The following ANKRD39 variants were observed in gnomAD, a reference collection of about 807,000 sequenced individuals.
ANKRD39 encodes ankyrin repeat domain 39.
ANKRD39 carries 18 observed loss-of-function variants against 20.3 expected under a neutral mutation model. The ratio of observed to expected loss-of-function variants is 0.89; its 90% CI spans 0.61 to 1.32. The LOEUF (loss-of-function observed/expected upper bound fraction) is 1.32. ANKRD39 is among the 40% of genes most tolerant of loss of function. ANKRD39 has a pLI of 0.00. For synonymous variants in ANKRD39, 106 were observed against 111.9 expected (o/e 0.95, Z 0.33); for missense variants, 243 against 250.7 (o/e 0.97, Z 0.21).
At chr2:96,856,236 G>A (rs2079864164) in intron 1 of ANKRD39, among the ~76,000 whole-genome samples, 2 of 152,084 alleles carry the variant, frequency 1.3e-5, no homozygotes, top group African/African-American at 4.8e-5. Flanking sequence ...CACTTTGGGA[G>A]GTCAAAGCGG....
chr2:96,848,377 A>C lies in ANKRD39; in HGVS notation c.476T>G (p.Ile159Ser). The C allele has an allele frequency of 6.2e-7, 1 of 1,614,168 alleles. No individual in the cohort carries two copies. ...TGCTAGCCGTGCCTTTCGGTCCCGG[A>C]TGGCCTTCAGGGCTGGGCTGTGTTG... ...LLQHSPALKAIRDRKARLACD... is the reference protein window; with the variant it reads ...LLQHSPALKASRDRKARLACD... The change falls in exon 4 of 4, where the codon ATC becomes AGC. Residue 159 changes from isoleucine to serine, a missense_variant. By Grantham distance (142) the Ile-to-Ser change is moderately radical. Coordinates refer to ENST00000393537, the MANE Select transcript of ANKRD39 (RefSeq NM_016466.6).
At chr2:96,855,257 A>G (rs955732043) in intron 1 of ANKRD39, among the ~76,000 whole-genome samples, 3 of 152,244 alleles carry the variant, frequency 2.0e-5, no homozygotes, top group Non-Finnish European at 4.4e-5. Context: ...CCACAAATCA[A>G]CAGAACATTA....
At chr2:96,855,755 A>T (rs2079860024) in intron 1 of ANKRD39, among the ~76,000 whole-genome samples, 1 of 151,682 alleles carries the variant, frequency 6.6e-6, no homozygotes, top group South Asian at 2.1e-4. Flanking sequence ...TACTGTGCGG[A>T]TCACGAGGTC....
chr2:96,854,245 G>T, intron 2 of ANKRD39, 93 bp downstream of exon 2: 2 of 1,285,696 alleles, frequency 1.6e-6, no homozygotes, highest in Non-Finnish European at 2.2e-6. Context: ...GAGGGAGGAG[G>T]TAAAAGGTAA....
At position 96,853,503 on chromosome 2, in the gene ANKRD39, G is replaced by C; in HGVS notation, c.306C>G (p.His102Gln). ...AQTHGGATAL[H>Q]RASYCGHTEI... ...CAGTGTGCCCGCAGTAGCTGGCTCG[G>C]TGCAGAGCAGTGGCACCCCCGTGGG... Residue 102 changes from histidine (H) to glutamine (Q), a missense_variant, in exon 3 of 4, where the codon CAC becomes CAG. His to Gln is a conservative substitution (Grantham distance 24, BLOSUM62 0). Transcript: ENST00000393537. 1.9e-6 allele frequency: 3 copies of C among 1,613,210 alleles called. No individual in the cohort carries two copies. The highest frequency in any genetic ancestry group is 2.5e-6 in the Non-Finnish European group (3 of 1,179,756).
At chr2:96,850,747 A>G (rs2079832892) in intron 3 of ANKRD39, among the ~76,000 whole-genome samples, 2 of 152,324 alleles carry the variant, frequency 1.3e-5, no homozygotes, top group South Asian at 4.1e-4. Context: ...CATTATCTGC[A>G]TGAGAGAAAA....
At chr2:96,853,143 A>G (rs2079846250) in intron 3 of ANKRD39, among the ~76,000 whole-genome samples, 1 of 152,204 alleles carries the variant, frequency 6.6e-6, no homozygotes, top group Admixed American at 6.5e-5. Context: ...GTTTCAGAAA[A>G]CTATATGGAA....
In ANKRD39 at chr2:96,854,321, G is replaced by A; in HGVS notation, c.204+17C>T. 1.2e-6 allele frequency: 2 copies of A among 1,612,246 alleles called. No individual in the cohort carries two copies. The highest frequency in any genetic ancestry group is 2.2e-5 in the East Asian group (1 of 44,832). Reference sequence around the variant, plus strand: ...TAACGCTTCTGTCTCCTGACCCTGTGCTCCTCCCTAGCTCACCAGCGCAGT... The same window carrying A: ...TAACGCTTCTGTCTCCTGACCCTGTACTCCTCCCTAGCTCACCAGCGCAGT... On this transcript the variant is annotated intron_variant, in intron 2 of 3. Transcript: ENST00000393537.
At chr2:96,854,285 G>T in intron 2 of ANKRD39, 53 bp downstream of exon 2, 1 of 1,545,922 alleles carries the variant, frequency 6.5e-7, no homozygotes, top group Non-Finnish European at 8.9e-7. Flanking sequence ...GAGAGCAGGT[G>T]TCTCCTGAGT....
At chr2:96,854,570 C>G in intron 1 of ANKRD39, 129 bp from the exon 2 acceptor site, 3 of 867,886 alleles carry the variant, frequency 3.5e-6, no homozygotes, top group Non-Finnish European at 5.4e-6. Flanking sequence ...ATCAACCGAG[C>G]ACCTCCTCTG....
chr2:96,850,093 T>G (rs4473423), intron 3 of ANKRD39, among the ~76,000 whole-genome samples: 3 of 152,206 alleles, frequency 2.0e-5, no homozygotes, highest in African/African-American at 7.2e-5. Context: ...TGAACTCTTA[T>G]TAACTCTGTG....
chr2:96,856,761 G>C (rs2079867630), intron 1 of ANKRD39, among the ~76,000 whole-genome samples: 1 of 152,190 alleles, frequency 6.6e-6, no homozygotes, highest in Non-Finnish European at 1.5e-5. Context: ...GAGGGTCTCT[G>C]AGGAGATGAC....
Position 96,853,408 on chromosome 2 carries a change from A to G in ANKRD39, c.401T>C (p.Leu134Pro). The stretch of plus-strand genomic sequence containing the variant: ...AAGGGGGAACGGGCCCACCTTATGC[A>G]GACTGGTCATGCCGTCGTCATCCAC... ...RVVDDDGMTS[L>P]HKAAERGHGD... is the part of the protein sequence containing the mutation. The change falls in exon 3 of 4, where the codon CTG (leucine) becomes CCG (proline). Residue 134 changes from leucine (L) to proline (P), a missense_variant. Physicochemically the swap from Leu to Pro is moderately conservative, Grantham distance 98 (BLOSUM62 -3). Transcript: ENST00000393537. 1 of 1,576,318 alleles carries G rather than the reference A, an allele frequency of 6.3e-7. No homozygotes were observed. The highest frequency in any genetic ancestry group is 1.4e-5 in the African/African-American group (1 of 73,984).
At chr2:96,854,913 C>T (rs1017147700) in intron 1 of ANKRD39, among the ~76,000 whole-genome samples, 1 of 152,156 alleles carries the variant, frequency 6.6e-6, no homozygotes, top group East Asian at 1.9e-4. Context: ...CGTGAGCCAC[C>T]GTGCCCAGCC....
intron 1 of ANKRD39, 104 bp downstream of exon 1, chr2:96,857,784 G>T (rs2079872900): frequency 2.4e-6 from 3 of 1,236,998 alleles, no homozygotes; most frequent in Non-Finnish European, 3.4e-6. Context: ...CAAGCCCCAA[G>T]CCCCAAGCTC....
intron 3 of ANKRD39, among the ~76,000 whole-genome samples, chr2:96,850,681 C>CCA (rs2079832447): frequency 7.3e-6 from 1 of 137,436 alleles, no homozygotes; most frequent in East Asian, 2.3e-4. Context: ...CAAAACAAAA[C>CCA]AAAAAAAAAA....
chr2:96,853,621 C>G lies in ANKRD39; in HGVS notation c.205-17G>C. Reference sequence around the variant, plus strand: ...GGCATAGTGCTGCAGGGAACAGAGACCGAGGTCAGATGGGAGAAGCCAGGC... The same window carrying G: ...GGCATAGTGCTGCAGGGAACAGAGAGCGAGGTCAGATGGGAGAAGCCAGGC... On this transcript the variant is annotated splice_polypyrimidine_tract_variant and intron_variant, in intron 2 of 3. Transcript: ENST00000393537. The G allele has an allele frequency of 6.2e-7, 1 of 1,609,996 alleles. No individual in the cohort carries two copies. Among genetic ancestry groups the G allele is most frequent in the Non-Finnish European group, 8.5e-7 (1 of 1,178,918 alleles).
chr2:96,851,859 T>C (rs1364433325), intron 3 of ANKRD39, among the ~76,000 whole-genome samples: 1 of 151,946 alleles, frequency 6.6e-6, no homozygotes, highest in Non-Finnish European at 1.5e-5. Context: ...GGCTAACTTG[T>C]TAAATATGGC....
At chr2:96,855,475 A>G (rs1044894280) in intron 1 of ANKRD39, among the ~76,000 whole-genome samples, 8 of 152,248 alleles carry the variant, frequency 5.3e-5, no homozygotes, top group Admixed American at 1.3e-4. Flanking sequence ...CTGTAATCCC[A>G]GCACTTTGGG....
Sources: allele counts gnomAD v4.1 joint callset (sites outside exome capture counted in the v4.1 genomes callset), GRCh38; gene constraint gnomAD v4.1.1; transcripts MANE v1.5; gene names NCBI Gene and HGNC (gene_info 2026-07-23, HGNC 2026-07-21).